MRC2: variants seen among roughly 807,000 people sequenced by gnomAD.
MRC2 encodes mannose receptor C-type 2, also known as C-type mannose receptor 2.
A neutral mutation model predicts 206.2 loss-of-function variants in MRC2; 84 were observed. That is an observed-to-expected ratio of 0.41 (90% CI 0.34 to 0.49). The LOEUF (loss-of-function observed/expected upper bound fraction) is 0.49, where lower values mean the gene tolerates loss of function less well. Among genes scored for constraint, MRC2 ranks in the 20% least tolerant of loss-of-function variants. The probability of loss-of-function intolerance (pLI) is 0.31; values close to 1 mark genes in which losing one functional copy is unlikely to be tolerated. For synonymous variants in MRC2, 798 were observed against 800.0 expected, an observed-to-expected ratio of 1.00 and a Z score of 0.04; for missense variants, 1,676 against 2,001.5, an observed-to-expected ratio of 0.84 and a Z score of 3.10.
chr17:62,634,178 A>G (rs1002064516), intron 1 of MRC2, among the ~76,000 whole-genome samples: 8 of 152,154 alleles, frequency 5.3e-5, no homozygotes, highest in Non-Finnish European at 1.0e-4. Flanking sequence ...TTTAGACCCT[A>G]TAAGGTAATT....
At chr17:62,651,152 C>T (rs193272895) in intron 1 of MRC2, among the ~76,000 whole-genome samples, 4 of 151,274 alleles carry the variant, frequency 2.6e-5, no homozygotes, top group Admixed American at 6.6e-5. Context: ...AGTGCGATCT[C>T]GGCTCACTGC....
chr17:62,665,816 C>A (rs1357628022), intron 2 of MRC2, among the ~76,000 whole-genome samples: 1 of 152,212 alleles, frequency 6.6e-6, no homozygotes, highest in Non-Finnish European at 1.5e-5. Context: ...GACTTGGAGG[C>A]CCTCTTGCCC....
chr17:62,690,534 C>T, intron 26 of MRC2, 108 bp from the exon 27 acceptor site: 2 of 1,492,582 alleles, frequency 1.3e-6, no homozygotes, highest in Non-Finnish European at 9.0e-7. Flanking sequence ...CCACAGACTC[C>T]ACACCATCCT....
rs989570124 is a variant in MRC2 at position 62,692,157 on chromosome 17, C to T, written c.4219+19C>T. On this transcript the variant is annotated intron_variant, in intron 29 of 29. Transcript: ENST00000303375. The surrounding 1 kb of genome is among the most constrained non-coding windows in gnomAD (Gnocchi z 4.2). Reference sequence around the variant, plus strand: ...CCATCAGGTGAGTGAAAGGCAATGCCCCCAGGTGGGCAGGCAGGAAGCACT... The same window carrying T: ...CCATCAGGTGAGTGAAAGGCAATGCTCCCAGGTGGGCAGGCAGGAAGCACT... The T allele has an allele frequency of 6.2e-7, 1 of 1,614,190 alleles. No homozygotes were observed. Among genetic ancestry groups the T allele is most frequent in the Non-Finnish European group, 8.5e-7 (1 of 1,180,048 alleles).
At position 62,652,431 on chromosome 17, in the gene MRC2, G is replaced by C. The variant is rs1232299238; in HGVS notation, c.119-12117G>C. On this transcript the variant is annotated intron_variant, in intron 1 of 29. Coordinates refer to ENST00000303375, the MANE Select transcript of MRC2 (RefSeq NM_006039.5). This position sits in a 1 kb window ranked among gnomAD's most constrained non-coding sequence, Gnocchi z 4.6. ...GTGGCCACGGCGAGGCTCTGCCTCC[G>C]CCCCCGCGCTCCGGGTCCCATTCCC... is the stretch of plus-strand genomic sequence containing the variant. Among the ~76,000 whole-genome samples the C allele has an allele frequency of 2.6e-5, 4 of 152,242 alleles. No homozygotes were observed. Among genetic ancestry groups the C allele is most frequent in the Non-Finnish European group, 5.9e-5 (4 of 68,048 alleles).
At chr17:62,631,957 T>TC (rs1367516151) in intron 1 of MRC2, among the ~76,000 whole-genome samples, 1 of 151,806 alleles carries the variant, frequency 6.6e-6, no homozygotes, top group Non-Finnish European at 1.5e-5. Context: ...CCAGTGGGGG[T>TC]CCCTGGACTT....
rs1485885498 is a variant in MRC2, at chr17:62,692,213, G to C, written c.4220-18G>C. 2 of 1,612,924 alleles carry C rather than the reference G, an allele frequency of 1.2e-6. No homozygotes were observed. The highest frequency in any genetic ancestry group is 8.5e-7 in the Non-Finnish European group (1 of 1,179,352). On this transcript the variant is annotated intron_variant, in intron 29 of 29. Coordinates refer to ENST00000303375, the MANE Select transcript of MRC2 (RefSeq NM_006039.5). This position sits in a 1 kb window ranked among gnomAD's most constrained non-coding sequence, Gnocchi z 4.2. ...GCCTAACGCCCACTTGGCCTTTCACGCCCACTCGCCTTGGCAGCGCTTCCA... is the reference window on the plus strand; with the variant it reads ...GCCTAACGCCCACTTGGCCTTTCACCCCCACTCGCCTTGGCAGCGCTTCCA...
intron 1 of MRC2, among the ~76,000 whole-genome samples, chr17:62,643,061 C>T (rs1341856053): frequency 6.6e-6 from 1 of 152,136 alleles, no homozygotes; most frequent in Non-Finnish European, 1.5e-5. Context: ...GGCGCGGTTG[C>T]TCTCGCCTGT....
Position 62,667,412 on chromosome 17 carries a change from G to T in MRC2, c.996G>T (p.Glu332Asp). 1 of 1,608,436 alleles carries T rather than the reference G, an allele frequency of 6.2e-7. No individual in the cohort carries two copies. Among genetic ancestry groups the T allele is most frequent in the Non-Finnish European group, 8.5e-7 (1 of 1,178,384 alleles). The part of the protein sequence containing the change: ...WESDQPDNPS[E>D]ENCGVIRTES... ...CAGACCAGCCGGACAACCCCAGTGA[G>T]GAGAACTGTGGAGTGATCCGCACTG... The change falls in exon 6 of 30, where the codon GAG (glutamate) becomes GAT (aspartate). Residue 332 changes from glutamate to aspartate, a missense_variant. This residue lies in a region of MRC2 where 1,354 missense variants were observed against 1,636.6 expected (regional missense o/e 0.83). Transcript: ENST00000303375. The surrounding 1 kb of genome is among the most constrained non-coding windows in gnomAD (Gnocchi z 4.1).
At chr17:62,628,418 C>G (rs2084188267) in intron 1 of MRC2, among the ~76,000 whole-genome samples, 1 of 152,166 alleles carries the variant, frequency 6.6e-6, no homozygotes, top group Non-Finnish European at 1.5e-5. Context: ...CCCCCGCCCC[C>G]TGCATCTCGT....
intron 11 of MRC2, 195 bp downstream of exon 11, chr17:62,676,726 C>T (rs781710871): frequency 3.5e-6 from 2 of 566,712 alleles, no homozygotes; most frequent in Non-Finnish European, 5.8e-6. Flanking sequence ...GCTGTGCATC[C>T]TCTGAGCCTC....
Position 62,674,143 on chromosome 17 carries a change from C to T in MRC2, c.1542C>T (p.Ala514=), listed in dbSNP as rs924912042. 7 of 1,552,742 alleles carry T rather than the reference C, an allele frequency of 4.5e-6. No homozygotes were observed. In the African/African-American group the frequency reaches 5.5e-5, roughly 12 times the overall value. Residue 514 remains alanine, a synonymous_variant, in exon 9 of 30, where the codon GCC becomes GCT. Transcript: ENST00000303375. ...AGGCAGGCCAGCTGAGCCAGGGGGC[C>T]GCCGAGGAGGACCATGGCTGCCGGA... ...CKKAGQLSQG[A]AEEDHGCRKG...
At chr17:62,631,169 A>G (rs1449933797) in intron 1 of MRC2, among the ~76,000 whole-genome samples, 1 of 152,114 alleles carries the variant, frequency 6.6e-6, no homozygotes, top group Admixed American at 6.5e-5. Context: ...GCAGATATTC[A>G]TTTGAGTTCC....
In MRC2 at chr17:62,642,563, C is replaced by T. The variant is rs564539856; in HGVS notation, c.118+14643C>T. On this transcript the variant is annotated intron_variant, in intron 1 of 29. Transcript: ENST00000303375. ...CCAGGTTCAAGCAATTATTCTGCCT[C>T]ATCCTCCCAAGTAGCTGGGATTACA... is the stretch of plus-strand genomic sequence containing the variant. Among the ~76,000 whole-genome samples, 650 of 152,318 alleles carry T rather than the reference C, an allele frequency of 4.3e-3. 4 individuals are homozygous for T. The highest frequency in any genetic ancestry group is 7.9e-3 in the Non-Finnish European group (535 of 68,040).
At chr17:62,631,494 C>T (rs1013537722) in intron 1 of MRC2, among the ~76,000 whole-genome samples, 19 of 152,208 alleles carry the variant, frequency 1.2e-4, no homozygotes, top group African/African-American at 3.9e-4. Flanking sequence ...GCGTTTCCAT[C>T]GCATGAAGCA....
At position 62,677,448 on chromosome 17, in the gene MRC2, G is replaced by A; in HGVS notation, c.2014G>A (p.Gly672Ser). 1.2e-6 allele frequency: 2 copies of A among 1,608,950 alleles called. No individual in the cohort carries two copies. The highest frequency in any genetic ancestry group is 1.7e-6 in the Non-Finnish European group (2 of 1,177,260). The change falls in exon 12 of 30, where the codon GGC (glycine) becomes AGC (serine). Residue 672 changes from glycine (G) to serine (S), a missense_variant. Gly to Ser is a moderately conservative substitution (Grantham distance 56). Coordinates refer to ENST00000303375, the MANE Select transcript of MRC2 (RefSeq NM_006039.5). ...CAGCCTCACTGGCTCCTGTCCCCAG[G>A]GCTGGGCCTCGGACACCAAACTCCG... ...TPSLTGSCPQ[G>S]WASDTKLRYC...
intron 1 of MRC2, among the ~76,000 whole-genome samples, chr17:62,651,712 A>T (rs1451944108): frequency 4.6e-5 from 7 of 151,842 alleles, no homozygotes; most frequent in Non-Finnish European, 1.0e-4. Flanking sequence ...GGCATACACC[A>T]CCACATCTGC....
intron 1 of MRC2, among the ~76,000 whole-genome samples, chr17:62,663,107 G>T (rs2088700780): frequency 6.6e-6 from 1 of 152,138 alleles, no homozygotes; most frequent in South Asian, 2.1e-4. Context: ...ATGTCACAGA[G>T]ATCTGGGTTT....
chr17:62,667,198 C>T lies in MRC2; in HGVS notation c.974-192C>T, dbSNP rs1374252289. Reference sequence around the variant, plus strand: ...TGGTTACTGGGTAGAAGGTTCAAGGCGACGTGCACCCAGGTTAGAAAGCGC... The same window carrying T: ...TGGTTACTGGGTAGAAGGTTCAAGGTGACGTGCACCCAGGTTAGAAAGCGC... On this transcript the variant is annotated intron_variant, in intron 5 of 29. Transcript: ENST00000303375. The surrounding 1 kb of genome is among the most constrained non-coding windows in gnomAD (Gnocchi z 4.1). Among the ~76,000 whole-genome samples, 1 of 152,254 alleles carries T rather than the reference C, an allele frequency of 6.6e-6. No individual in the cohort carries two copies. Among genetic ancestry groups the T allele is most frequent in the East Asian group, 1.9e-4 (1 of 5,170 alleles).
Sources: allele counts gnomAD v4.1 joint callset (sites outside exome capture counted in the v4.1 genomes callset), GRCh38; gene constraint gnomAD v4.1.1; regional missense constraint gnomAD v4.1.1; non-coding constraint Gnocchi (gnomAD v3.1); transcripts MANE v1.5; gene names NCBI Gene and HGNC (gene_info 2026-07-23, HGNC 2026-07-21).